The following EXOC4 variants were observed in gnomAD, a reference collection of about 807,000 sequenced individuals.
EXOC4 encodes exocyst complex component 4, also known as SEC8-like 1.
EXOC4 carries 71 observed loss-of-function variants against 107.2 expected under a neutral mutation model. The observed-to-expected ratio is 0.66, with a 90% CI of 0.55 to 0.81. The LOEUF (loss-of-function observed/expected upper bound fraction) is 0.81, where lower values mean the gene tolerates loss of function less well. EXOC4 is among the 30% of genes least tolerant of loss of function. The probability of loss-of-function intolerance (pLI) is 0.00; values close to 1 mark genes in which losing one functional copy is unlikely to be tolerated. For missense variants in EXOC4, 1,108 were observed against 1,189.6 expected (o/e 0.93, Z 1.01); for synonymous variants, 456 against 441.2 (o/e 1.03, Z -0.42).
intron 9 of EXOC4, among the ~76,000 whole-genome samples, chr7:133,500,891 G>T (rs1350078748): frequency 6.6e-6 from 1 of 152,104 alleles, no homozygotes; most frequent in Admixed American, 6.6e-5. Flanking sequence ...TCAGGCCTTG[G>T]AAGTTAGAAT....
rs372803007 is a variant in EXOC4, at chr7:133,817,328, T to C, written c.1518T>C (p.Phe506=). 3.0e-5 allele frequency: 48 copies of C among 1,608,312 alleles called. No individual in the cohort carries two copies. Among genetic ancestry groups the C allele is most frequent in the African/African-American group, 4.0e-5 (3 of 74,848 alleles). The part of the protein sequence containing the change: ...ITVIFHPLLR[F]IQEIEHALGL... ...CTTCTTACTGTTTGTCCTCCAGATTTATTCAGGAGATTGAGCATGCTCTGG... is the reference window on the plus strand; with the variant it reads ...CTTCTTACTGTTTGTCCTCCAGATTCATTCAGGAGATTGAGCATGCTCTGG... The change falls in exon 11 of 18, where the codon TTT becomes TTC. Residue 506 remains phenylalanine, a synonymous_variant. Transcript: ENST00000253861.
chr7:133,923,749 T>C (rs1252223248), intron 13 of EXOC4, among the ~76,000 whole-genome samples: 2 of 152,224 alleles, frequency 1.3e-5, no homozygotes, highest in African/African-American at 4.8e-5. Context: ...AAACAGACTT[T>C]TTAAAGTTTT....
chr7:133,301,819 A>G (rs1794648249), intron 3 of EXOC4, among the ~76,000 whole-genome samples: 1 of 152,202 alleles, frequency 6.6e-6, no homozygotes, highest in African/African-American at 2.4e-5. Context: ...CATTTCTTCA[A>G]CAAAGCAGCT....
intron 10 of EXOC4, among the ~76,000 whole-genome samples, chr7:133,804,632 AG>A (rs1440818026): frequency 6.6e-6 from 1 of 152,164 alleles, no homozygotes. Context: ...TTATTTCAGC[AG>A]GTACATAAGC....
chr7:133,540,265 C>A (rs1800353432), intron 9 of EXOC4, among the ~76,000 whole-genome samples: 1 of 152,184 alleles, frequency 6.6e-6, no homozygotes, highest in African/African-American at 2.4e-5. Flanking sequence ...AAACCACATA[C>A]CATCTAAATG....
At chr7:133,298,206 G>A (rs1478862108) in intron 3 of EXOC4, among the ~76,000 whole-genome samples, 1 of 152,086 alleles carries the variant, frequency 6.6e-6, no homozygotes, top group Non-Finnish European at 1.5e-5. Flanking sequence ...AATGAAAAAC[G>A]CCATATTCCT....
At chr7:133,959,030 G>A (rs951892117) in intron 14 of EXOC4, among the ~76,000 whole-genome samples, 10 of 152,140 alleles carry the variant, frequency 6.6e-5, no homozygotes, top group African/African-American at 1.2e-4. Context: ...AGGTGTAGGC[G>A]GGAGATAGAC....
At chr7:133,350,593 T>C (rs535929937) in intron 5 of EXOC4, among the ~76,000 whole-genome samples, 1 of 152,178 alleles carries the variant, frequency 6.6e-6, no homozygotes, top group South Asian at 2.1e-4. Flanking sequence ...AAGTTTGAAA[T>C]TAGGAAGTAA....
chr7:133,648,948 T>C (rs1388265436), intron 10 of EXOC4, among the ~76,000 whole-genome samples: 2 of 152,190 alleles, frequency 1.3e-5, no homozygotes, highest in African/African-American at 2.4e-5. Flanking sequence ...GTGCCTTTAA[T>C]ATCACAAAGA....
intron 9 of EXOC4, among the ~76,000 whole-genome samples, chr7:133,483,613 ATAGT>A (rs1799206997): frequency 6.6e-6 from 1 of 152,240 alleles, no homozygotes. Flanking sequence ...AAGAAAAGTA[ATAGT>A]TAGCAACCAC....
chr7:133,792,281 G>A (rs1226216692), intron 10 of EXOC4, among the ~76,000 whole-genome samples: 1 of 152,084 alleles, frequency 6.6e-6, no homozygotes, highest in Non-Finnish European at 1.5e-5. Context: ...CTTAAAATGA[G>A]ATGGCTCACA....
chr7:133,971,361 T>TATATATATAGAGAGAGAGAGAG (rs1489958236), intron 14 of EXOC4, among the ~76,000 whole-genome samples: 1 of 75,088 alleles, frequency 1.3e-5, no homozygotes, highest in Admixed American at 1.6e-4. Context: ...TATATATATA[T>TATATATATAGAGAGAGAGAGAG]AGAGAGAGAG....
chr7:134,050,953 T>C (rs757438289), intron 17 of EXOC4, among the ~76,000 whole-genome samples: 1 of 152,042 alleles, frequency 6.6e-6, no homozygotes, highest in Non-Finnish European at 1.5e-5. Flanking sequence ...GAGAAGAGTG[T>C]AGGATCTGTG....
At chr7:133,902,925 G>A (rs977556023) in intron 12 of EXOC4, among the ~76,000 whole-genome samples, 1 of 152,132 alleles carries the variant, frequency 6.6e-6, no homozygotes, top group Non-Finnish European at 1.5e-5. Context: ...ATGGAGTAAA[G>A]TAGATAGACT....
intron 10 of EXOC4, among the ~76,000 whole-genome samples, chr7:133,649,651 AAGG>A (rs1803090808): frequency 6.6e-6 from 1 of 152,000 alleles, no homozygotes; most frequent in Admixed American, 6.5e-5. Context: ...TTTTAAGCAA[AAGG>A]AGAAGAAGTG....
intron 10 of EXOC4, among the ~76,000 whole-genome samples, chr7:133,797,982 G>T (rs1389189015): frequency 1.3e-5 from 2 of 152,100 alleles, no homozygotes; most frequent in Non-Finnish European, 2.9e-5. Flanking sequence ...AAGGGAGATG[G>T]AGAATGATCT....
chr7:133,419,490 G>C (rs750743598), intron 7 of EXOC4, among the ~76,000 whole-genome samples: 1 of 152,254 alleles, frequency 6.6e-6, no homozygotes, highest in Admixed American at 6.5e-5. Context: ...CAGATTTAAA[G>C]GGATAAAATC....
At chr7:133,451,063 A>T (rs1196092694) in intron 7 of EXOC4, among the ~76,000 whole-genome samples, 1 of 152,178 alleles carries the variant, frequency 6.6e-6, no homozygotes, top group Non-Finnish European at 1.5e-5. Flanking sequence ...TTTTGTACCT[A>T]CTTCCAAGTA....
intron 9 of EXOC4, among the ~76,000 whole-genome samples, chr7:133,496,189 C>T (rs1799474185): frequency 6.6e-6 from 1 of 151,816 alleles, no homozygotes; most frequent in East Asian, 1.9e-4. Flanking sequence ...TTGCTCTGTC[C>T]CCCAGGCTGG....
Sources: gnomAD v4.1 joint callset for allele counts (sites outside exome capture counted in the v4.1 genomes callset) on GRCh38, gnomAD v4.1.1 for gene constraint, MANE v1.5 for transcripts, NCBI Gene and HGNC (gene_info 2026-07-23, HGNC 2026-07-21) for gene names.